PIP4K2A: variants seen among roughly 807,000 people sequenced by gnomAD.
PIP4K2A encodes the protein phosphatidylinositol-5-phosphate 4-kinase type 2 alpha, also known as phosphatidylinositol 5-phosphate 4-kinase type-2 alpha.
In PIP4K2A, 14 loss-of-function variants were observed where a neutral mutation model predicts 42.9. The ratio of observed to expected loss-of-function variants is 0.33; its 90% confidence interval spans 0.22 to 0.51. PIP4K2A has a LOEUF of 0.51. PIP4K2A is among the 20% of genes least tolerant of loss of function. The pLI, the probability that PIP4K2A is intolerant of heterozygous loss-of-function variation, is 0.97. For synonymous variants in PIP4K2A, 192 were observed against 192.2 expected (o/e 1.00, Z 0.01); for missense variants, 434 against 519.8 (o/e 0.83, Z 1.61).
At chr10:22,578,628 C>T (rs1394647865) in intron 4 of PIP4K2A, among the ~76,000 whole-genome samples, 1 of 149,690 alleles carries the variant, frequency 6.7e-6, no homozygotes, top group Admixed American at 6.7e-5. Context: ...TGTGTACAGG[C>T]TACCTGATCC....
chr10:22,693,118 A>G (rs553118495), intron 1 of PIP4K2A, among the ~76,000 whole-genome samples: 71 of 152,314 alleles, frequency 4.7e-4, no homozygotes, highest in African/African-American at 1.7e-3. Context: ...GTGAAAATAA[A>G]CCAGTATCTG....
chr10:22,590,511 C>T (rs1837486814), intron 4 of PIP4K2A, among the ~76,000 whole-genome samples: 1 of 152,164 alleles, frequency 6.6e-6, no homozygotes, highest in African/African-American at 2.4e-5. Context: ...CCTATTTAAT[C>T]TTTAGAATCC....
At chr10:22,621,196 C>G (rs997084886) in intron 1 of PIP4K2A, among the ~76,000 whole-genome samples, 1 of 152,168 alleles carries the variant, frequency 6.6e-6, no homozygotes, top group Non-Finnish European at 1.5e-5. Context: ...TTGAGGCCAG[C>G]CTAATCCAAC....
intron 6 of PIP4K2A, 68 bp downstream of exon 6, chr10:22,567,783 A>G: frequency 7.7e-7 from 1 of 1,294,918 alleles, no homozygotes; most frequent in Non-Finnish European, 1.1e-6. Flanking sequence ...AGAAATAAAG[A>G]GTAAAGGTGA....
chr10:22,698,127 G>T (rs1008610442), intron 1 of PIP4K2A, among the ~76,000 whole-genome samples: 1 of 152,102 alleles, frequency 6.6e-6, no homozygotes, highest in Admixed American at 6.6e-5. Context: ...GGGCAGACTC[G>T]GGCCAGGCAG....
At chr10:22,550,878 C>T in intron 6 of PIP4K2A, 106 bp from the exon 7 acceptor site, 1 of 715,090 alleles carries the variant, frequency 1.4e-6, no homozygotes, top group East Asian at 2.5e-5. Flanking sequence ...TTCACCGCCC[C>T]CACCCCGTTC....
intron 7 of PIP4K2A, among the ~76,000 whole-genome samples, chr10:22,545,936 C>A (rs1055318110): frequency 6.6e-6 from 1 of 152,230 alleles, no homozygotes; most frequent in East Asian, 1.9e-4. Context: ...AAACACCTGG[C>A]CTCAAGTGAT....
chr10:22,586,063 TTTAG>T (rs1473288608), intron 4 of PIP4K2A, among the ~76,000 whole-genome samples: 9 of 152,226 alleles, frequency 5.9e-5, no homozygotes, highest in African/African-American at 1.7e-4. Context: ...TCTAACATTG[TTTAG>T]TTAATCAACT....
intron 6 of PIP4K2A, among the ~76,000 whole-genome samples, chr10:22,557,277 A>G (rs994426901): frequency 1.3e-5 from 2 of 152,216 alleles, no homozygotes; most frequent in African/African-American, 4.8e-5. Flanking sequence ...AGCAAAGGAG[A>G]TGCAGCACTG....
rs1197618129 is a variant in PIP4K2A, at chr10:22,664,221, A to ATG, written c.144+49961_144+49962insCA. Among the ~76,000 whole-genome samples the ATG allele has an allele frequency of 2.9e-3, 140 of 47,630 alleles. 3 individuals carry two copies. The highest frequency in any genetic ancestry group is 4.4e-3 in the Non-Finnish European group (112 of 25,676). 31.2% of individuals were successfully genotyped at this position (47,630 alleles called of 152,430 possible). A position where few individuals can be genotyped will look rare whatever the true frequency, so the allele number is the denominator to read the frequency against. ...TATATATACATATATATATATACAT[A>ATG]TATATATACACACACACACACACAC... On this transcript the variant is annotated intron_variant, in intron 1 of 9. Transcript: ENST00000376573.
rs1201733902 is a variant in PIP4K2A, at chr10:22,567,964, CT to C, written c.640-76del. 8.1e-6 allele frequency: 11 copies of C among 1,351,862 alleles called. 1 individual carries two copies. The highest frequency in any genetic ancestry group is 6.9e-5 in the East Asian group (3 of 43,746). 83.7% of individuals were successfully genotyped at this position (1,351,862 alleles called of 1,614,324 possible). ...TCACACGCAGAAAATATGAAAATGG[CT>C]CCAGGCGGAGCAGAGAGCCAGCTCA... On this transcript the variant is annotated intron_variant, in intron 5 of 9. Coordinates refer to ENST00000376573, the MANE Select transcript of PIP4K2A (RefSeq NM_005028.5).
Position 22,548,562 on chromosome 10 carries a change from A to C in PIP4K2A, c.792+2097T>G, listed in dbSNP as rs898768433. On this transcript the variant is annotated intron_variant, in intron 7 of 9. Coordinates refer to ENST00000376573, the MANE Select transcript of PIP4K2A (RefSeq NM_005028.5). ...TTTGCTGATTAATCAATAAAAATCC[A>C]AGAGTATGTTTACTAAGGATACTTA... is the stretch of plus-strand genomic sequence containing the variant. Among the ~76,000 whole-genome samples, 3 of 152,236 alleles carry C rather than the reference A, an allele frequency of 2.0e-5. No homozygotes were observed. In the South Asian group the frequency reaches 6.2e-4, roughly 32 times the overall value.
intron 5 of PIP4K2A, among the ~76,000 whole-genome samples, chr10:22,570,918 C>G (rs1262011482): frequency 6.6e-6 from 1 of 151,966 alleles, no homozygotes; most frequent in Non-Finnish European, 1.5e-5. Context: ...AGCCACACAT[C>G]CTGGTTTTTG....
chr10:22,594,034 C>T (rs916549117), intron 3 of PIP4K2A, among the ~76,000 whole-genome samples: 2 of 152,178 alleles, frequency 1.3e-5, no homozygotes, highest in Admixed American at 6.5e-5. Flanking sequence ...TAACAAGCAA[C>T]TGAATCACCC....
At chr10:22,630,539 C>T (rs1838527005) in intron 1 of PIP4K2A, among the ~76,000 whole-genome samples, 1 of 152,168 alleles carries the variant, frequency 6.6e-6, no homozygotes, top group Admixed American at 6.5e-5. Flanking sequence ...GGGATTTTTA[C>T]AACGAAAACT....
chr10:22,690,623 A>G (rs2130897998), intron 1 of PIP4K2A, among the ~76,000 whole-genome samples: 1 of 152,298 alleles, frequency 6.6e-6, no homozygotes, highest in Non-Finnish European at 1.5e-5. Flanking sequence ...GAAGGGGAGG[A>G]AAAACCCTAA....
At chr10:22,567,488 G>A (rs183144417) in intron 6 of PIP4K2A, 76 of 458,874 alleles carry the variant, frequency 1.7e-4, no homozygotes, top group East Asian at 8.8e-4. Flanking sequence ...GTTTGATATC[G>A]GTGAAGCAGT....
At chr10:22,695,824 C>T (rs1433337648) in intron 1 of PIP4K2A, among the ~76,000 whole-genome samples, 1 of 152,106 alleles carries the variant, frequency 6.6e-6, no homozygotes, top group Non-Finnish European at 1.5e-5. Flanking sequence ...TGTATTGGTG[C>T]TTTTACTTAT....
intron 1 of PIP4K2A, among the ~76,000 whole-genome samples, chr10:22,664,323 A>G (rs1261695999): frequency 6.7e-6 from 1 of 148,684 alleles, no homozygotes; most frequent in Non-Finnish European, 1.5e-5. Context: ...CATTCTCATC[A>G]GCAATGTGTA....
Sources: allele counts gnomAD v4.1 joint callset (sites outside exome capture counted in the v4.1 genomes callset), GRCh38; gene constraint gnomAD v4.1.1; transcripts MANE v1.5; gene names NCBI Gene and HGNC (gene_info 2026-07-23, HGNC 2026-07-21).